Variants in ACSM4 observed in about 807,000 individuals in gnomAD.
ACSM4 encodes acyl-coenzyme A synthetase ACSM4, mitochondrial.
Under a neutral mutation model 73.0 loss-of-function variants are expected in ACSM4, and 66 were observed. That is an observed-to-expected ratio of 0.90 (90% CI 0.74 to 1.11). ACSM4 has a LOEUF of 1.11. Among genes scored for constraint, ACSM4 ranks in the 50% least tolerant of loss-of-function variants. The pLI, the probability that ACSM4 is intolerant of heterozygous loss-of-function variation, is 0.00. For missense variants in ACSM4, 645 were observed against 714.4 expected (o/e 0.90, Z 1.11); for synonymous variants, 222 against 254.0 (o/e 0.87, Z 1.20).
intron 2 of ACSM4, among the ~76,000 whole-genome samples, chr12:7,308,687 T>C (rs1039243201): frequency 6.6e-6 from 1 of 152,246 alleles, no homozygotes; most frequent in African/African-American, 2.4e-5. Flanking sequence ...ATTGAGCGAA[T>C]ACTCTAAGAT....
At position 7,327,025 on chromosome 12, in the gene ACSM4, C is replaced by A; in HGVS notation, c.1586C>A (p.Pro529Gln). 1 of 1,612,696 alleles carries A rather than the reference C, an allele frequency of 6.2e-7. No individual in the cohort carries two copies. The change falls in exon 12 of 13, where the codon CCA becomes CAA. Residue 529 changes from proline (P) to glutamine (Q), a missense_variant. Transcript: ENST00000399422. The stretch of plus-strand genomic sequence containing the variant: ...GCTGCACCCTTTAAGTCCTACAACC[C>A]AGAGAAATTAACTCTTGAACTTCAG... ...VLAAPFKSYN[P>Q]EKLTLELQDH...
rs114479092 is a variant in ACSM4 at position 7,326,559 on chromosome 12, A to G, written c.1537-417A>G. ...GATACACAGTCCTTCCTCCGTTGAGACCCTCCAAACTGCTTTGAAACCACA... is the reference window on the plus strand; with the variant it reads ...GATACACAGTCCTTCCTCCGTTGAGGCCCTCCAAACTGCTTTGAAACCACA... On this transcript the variant is annotated intron_variant, in intron 11 of 12. Transcript: ENST00000399422. Among the ~76,000 whole-genome samples, 6 of 152,034 alleles carry G rather than the reference A, an allele frequency of 3.9e-5. No homozygotes were observed. The South Asian group carries it at 1.2e-3, about 32-fold the overall frequency.
At position 7,310,697 on chromosome 12, in the gene ACSM4, G is replaced by C; in HGVS notation, c.571G>C (p.Val191Leu). 6.2e-7 allele frequency: 1 copy of C among 1,613,542 alleles called. No homozygotes were observed. The highest frequency in any genetic ancestry group is 8.5e-7 in the Non-Finnish European group (1 of 1,179,734). The change falls in exon 3 of 13, where the codon GTG (valine) becomes CTG (leucine). Residue 191 changes from valine (V) to leucine (L), a missense_variant. Physicochemically the swap from Val to Leu is conservative, Grantham distance 32 (BLOSUM62 1). Transcript: ENST00000399422. ...TCCTGACCTTAAGACAAAACTCCTGGTGTCTCCACAAAGCTGGAATGGGTG... is the reference window on the plus strand; with the variant it reads ...TCCTGACCTTAAGACAAAACTCCTGCTGTCTCCACAAAGCTGGAATGGGTG... Reference protein sequence around the residue: ...ECPDLKTKLLVSPQSWNGWLS... With the variant: ...ECPDLKTKLLLSPQSWNGWLS...
chr12:7,306,850 A>C, intron 2 of ACSM4, 107 bp downstream of exon 2: 49 of 585,450 alleles, frequency 8.4e-5, no homozygotes, highest in South Asian at 3.3e-4. Context: ...CAGAAGACAA[A>C]AAAAAAAAAA....
At chr12:7,319,344 C>T (rs1333990804) in intron 5 of ACSM4, among the ~76,000 whole-genome samples, 1 of 152,102 alleles carries the variant, frequency 6.6e-6, no homozygotes, top group Non-Finnish European at 1.5e-5. Flanking sequence ...ATAATCCCAG[C>T]ACTTTGGGAG....
At chr12:7,323,360 GT>G in intron 8 of ACSM4, 46 bp downstream of exon 8, 1 of 1,594,674 alleles carries the variant, frequency 6.3e-7, no homozygotes, top group Non-Finnish European at 8.6e-7. Flanking sequence ...GAGAGAGAAC[GT>G]TTTCCTTTTC....
intron 2 of ACSM4, among the ~76,000 whole-genome samples, chr12:7,307,856 G>T (rs1386204946): frequency 1.3e-5 from 2 of 152,118 alleles, no homozygotes; most frequent in Non-Finnish European, 2.9e-5. Flanking sequence ...GGCCTTTATT[G>T]AAAAGTTTTC....
chr12:7,322,540 TGGTATATCTAAAG>T lies in ACSM4; in HGVS notation c.1125+2_1125+14del, dbSNP rs747195800. 2 of 1,612,924 alleles carry T rather than the reference TGGTATATCTAAAG, an allele frequency of 1.2e-6. No homozygotes were observed. Among genetic ancestry groups the T allele is most frequent in the Non-Finnish European group, 1.7e-6 (2 of 1,179,546 alleles). On this transcript the variant is annotated splice_donor_variant and splice_donor_5th_base_variant and coding_sequence_variant and intron_variant, in exon 7 of 13. Coordinates refer to ENST00000399422, the MANE Select transcript of ACSM4 (RefSeq NM_001080454.2). LOFTEE classifies it high-confidence loss of function. ...TATGAGGGCTATGGACAGACGGAAGTGGTATATCTAAAGGGCATTTATGTTTAGTATATGTGGG... is the reference window on the plus strand; with the variant it reads ...TATGAGGGCTATGGACAGACGGAAGTGGCATTTATGTTTAGTATATGTGGG...
At chr12:7,325,854 G>A (rs1359938670) in intron 11 of ACSM4, among the ~76,000 whole-genome samples, 3 of 152,050 alleles carry the variant, frequency 2.0e-5, no homozygotes, top group Non-Finnish European at 2.9e-5. Flanking sequence ...TGTCAGCATC[G>A]TTCCACATCT....
intron 3 of ACSM4, among the ~76,000 whole-genome samples, chr12:7,316,089 C>T (rs1019184444): frequency 1.3e-5 from 2 of 152,114 alleles, no homozygotes; most frequent in African/African-American, 4.8e-5. Flanking sequence ...TAAGTCTGCC[C>T]TATAATGAGG....
At position 7,317,158 on chromosome 12, in the gene ACSM4, C is replaced by T. The variant is rs751643094; in HGVS notation, c.642C>T (p.Ser214=). ...GCAGATTCGCCTCTGAAGAGCACAGCTGTGTGGAAACAGGAAGTCAAGAAC... is the reference window on the plus strand; with the variant it reads ...GCAGATTCGCCTCTGAAGAGCACAGTTGTGTGGAAACAGGAAGTCAAGAAC... ...ELFQFASEEH[S]CVETGSQEPM... is the part of the protein sequence containing the mutation. Residue 214 remains serine (S), a synonymous_variant, in exon 4 of 13, where the codon AGC becomes AGT. Coordinates refer to ENST00000399422, the MANE Select transcript of ACSM4 (RefSeq NM_001080454.2). The T allele has an allele frequency of 1.2e-6, 2 of 1,612,992 alleles. No homozygotes were observed. The highest frequency in any genetic ancestry group is 1.7e-6 in the Non-Finnish European group (2 of 1,179,494).
At position 7,328,445 on chromosome 12, in the gene ACSM4, C is replaced by G; in HGVS notation, c.*72C>G. On this transcript the variant is annotated 3_prime_UTR_variant, in exon 13 of 13. Transcript: ENST00000399422. ...TTTAGTATTTGTTCCGATAATTCAG[C>G]GACTACTCTCTTAAAATGTTTAAGA... 1 of 1,158,962 alleles carries G rather than the reference C, an allele frequency of 8.6e-7. No homozygotes were observed. The highest frequency in any genetic ancestry group is 2.1e-4 in the Middle Eastern group (1 of 4,878). 71.8% of individuals were successfully genotyped at this position (1,158,962 alleles called of 1,614,324 possible).
chr12:7,320,658 G>T, intron 5 of ACSM4, 67 bp from the exon 6 acceptor site: 1 of 1,320,636 alleles, frequency 7.6e-7, no homozygotes, highest in Non-Finnish European at 1.1e-6. Flanking sequence ...ACAGGGTGTA[G>T]ATATCAGCTC....
At chr12:7,315,195 C>CAA (rs750480186) in intron 3 of ACSM4, among the ~76,000 whole-genome samples, 7 of 85,946 alleles carry the variant, frequency 8.1e-5, no homozygotes, top group Admixed American at 1.3e-4. Flanking sequence ...AACTCCGTCT[C>CAA]AAAAAAAAAA....
At chr12:7,309,787 CTTGTT>C in intron 2 of ACSM4, among the ~76,000 whole-genome samples, 2 of 151,904 alleles carry the variant, frequency 1.3e-5, no homozygotes, top group East Asian at 3.9e-4. Flanking sequence ...GTTTTTTTCT[CTTGTT>C]TGTTTGTTTG....
At chr12:7,307,811 C>G (rs1207426487) in intron 2 of ACSM4, among the ~76,000 whole-genome samples, 1 of 152,162 alleles carries the variant, frequency 6.6e-6, no homozygotes, top group Non-Finnish European at 1.5e-5. Flanking sequence ...GATGGAGATA[C>G]TATGGCCTGC....
chr12:7,328,143 G>T (rs1254265103), intron 12 of ACSM4, 144 bp from the exon 13 acceptor site: 1 of 555,302 alleles, frequency 1.8e-6, no homozygotes, highest in African/African-American at 2.0e-5. Context: ...AGACGTTTCT[G>T]GTGTCCATGA....
At chr12:7,327,198 G>T (rs1312011492) in intron 12 of ACSM4, 103 bp downstream of exon 12, 4 of 1,313,144 alleles carry the variant, frequency 3.0e-6, no homozygotes, top group Non-Finnish European at 4.1e-6. Context: ...TCATTATATA[G>T]GTAGAAGACA....
chr12:7,313,018 G>A lies in ACSM4; in HGVS notation c.620+2272G>A, dbSNP rs539654163. On this transcript the variant is annotated intron_variant, in intron 3 of 12. Coordinates refer to ENST00000399422, the MANE Select transcript of ACSM4 (RefSeq NM_001080454.2). ...AAAAATTTTAGAGGATAAGTAAAAC[G>A]ATACAATTGTGCCACTGCACTCTAG... 1.1e-3 allele frequency among the ~76,000 whole-genome samples: 171 copies of A among 152,128 alleles called. 1 individual carries two copies. The highest frequency in any genetic ancestry group is 2.1e-3 in the Admixed American group (32 of 15,272).
Sources: allele counts gnomAD v4.1 joint callset (sites outside exome capture counted in the v4.1 genomes callset), GRCh38; gene constraint gnomAD v4.1.1; transcripts MANE v1.5; gene names NCBI Gene and HGNC (gene_info 2026-07-23, HGNC 2026-07-21).